Variants in AFF1 observed in about 807,000 individuals in gnomAD.
AFF1 encodes ALF transcription elongation factor 1, also known as AF4/FMR2 family member 1.
In AFF1, 48 loss-of-function variants were observed where a neutral mutation model predicts 121.7. The ratio of observed to expected loss-of-function variants is 0.39; its 90% CI spans 0.31 to 0.50. AFF1 has a LOEUF of 0.50. Ranked by LOEUF, AFF1 falls within the 20% of genes least tolerant of loss-of-function variation. AFF1 has a pLI of 0.76. For synonymous variants in AFF1, 613 were observed against 563.0 expected, an observed-to-expected ratio of 1.09 and a Z score of -1.26; for missense variants, 1,523 against 1,511.7, an observed-to-expected ratio of 1.01 and a Z score of -0.12.
chr4:87,096,765 A>G (rs11946328), intron 8 of AFF1, among the ~76,000 whole-genome samples: 7,756 of 151,176 alleles, frequency 0.051, 677 homozygotes, highest in African/African-American at 0.18. Context: ...TTTAATTTTT[A>G]CATATTTATG....
intron 12 of AFF1, among the ~76,000 whole-genome samples, chr4:87,117,042 G>C (rs1429367967): frequency 1.3e-5 from 2 of 152,146 alleles, no homozygotes; most frequent in Admixed American, 6.5e-5. Flanking sequence ...TGCATTAGCT[G>C]GAGTGGGGAC....
rs1196415288 is a variant in AFF1 at position 87,007,368 on chromosome 4, C to T, written c.39-38798C>T. On this transcript the variant is annotated intron_variant, in intron 2 of 20. Coordinates refer to ENST00000395146, the MANE Select transcript of AFF1 (RefSeq NM_001166693.3). The stretch of plus-strand genomic sequence containing the variant: ...GGCAGCAGGGCCCGCGGGGTGAAGG[C>T]GCTCATGGACGGAAGACCCCTGGCT... 3 of 1,612,952 alleles carry T rather than the reference C, an allele frequency of 1.9e-6. No individual in the cohort carries two copies. The African/African-American group carries it at 4.0e-5, about 22-fold the overall frequency.
At chr4:87,067,352 C>G (rs750122390) in intron 4 of AFF1, among the ~76,000 whole-genome samples, 4 of 152,224 alleles carry the variant, frequency 2.6e-5, no homozygotes, top group African/African-American at 4.8e-5. Context: ...CTATGGATAA[C>G]TTCTACAAAC....
chr4:87,081,748 A>C (rs893415938), intron 4 of AFF1, among the ~76,000 whole-genome samples: 4 of 152,322 alleles, frequency 2.6e-5, no homozygotes, highest in Admixed American at 2.6e-4. Flanking sequence ...CAGGAAGATT[A>C]ACAGTAAATT....
At chr4:86,945,788 G>C (rs1375300061) in intron 1 of AFF1, among the ~76,000 whole-genome samples, 3 of 151,944 alleles carry the variant, frequency 2.0e-5, no homozygotes, top group Non-Finnish European at 4.4e-5. Context: ...CACCATGCTT[G>C]GCCCATGGAG....
At chr4:87,069,900 C>A (rs1260267837) in intron 4 of AFF1, among the ~76,000 whole-genome samples, 1 of 149,938 alleles carries the variant, frequency 6.7e-6, no homozygotes, top group Non-Finnish European at 1.5e-5. Context: ...TCACTGCAAC[C>A]TTTTCCCCCA....
chr4:86,942,628 G>T (rs915810718), intron 1 of AFF1, among the ~76,000 whole-genome samples: 19 of 152,156 alleles, frequency 1.2e-4, no homozygotes, highest in African/African-American at 4.1e-4. Context: ...TGATTTACCT[G>T]CTTCCTTTAA....
At chr4:87,110,365 T>A (rs1276920968) in intron 11 of AFF1, among the ~76,000 whole-genome samples, 1 of 152,180 alleles carries the variant, frequency 6.6e-6, no homozygotes, top group African/African-American at 2.4e-5. Context: ...TTTTCAGTTA[T>A]TTTAAAATGT....
At chr4:87,090,962 C>T (rs1042745703) in intron 6 of AFF1, among the ~76,000 whole-genome samples, 17 of 132,184 alleles carry the variant, frequency 1.3e-4, no homozygotes, top group African/African-American at 4.9e-4. Flanking sequence ...CTGCAGTGAG[C>T]TGTAATTAAG....
chr4:87,112,599 A>G (rs1726650829), intron 11 of AFF1, among the ~76,000 whole-genome samples: 1 of 152,230 alleles, frequency 6.6e-6, no homozygotes, highest in Non-Finnish European at 1.5e-5. Flanking sequence ...TTTATGTCAT[A>G]GCCACATATT....
intron 2 of AFF1, among the ~76,000 whole-genome samples, chr4:87,026,284 A>G (rs1044693115): frequency 1.1e-4 from 17 of 152,216 alleles, no homozygotes; most frequent in African/African-American, 4.1e-4. Flanking sequence ...TTTAGTAGAG[A>G]TGGGGTTTTG....
At position 87,139,709 on chromosome 4, in the gene AFF1, T is replaced by A. The variant is rs1343684852; in HGVS notation, c.*4008T>A. On this transcript the variant is annotated 3_prime_UTR_variant, in exon 21 of 21. Transcript: ENST00000395146. The stretch of plus-strand genomic sequence containing the variant: ...TGTAAGGTATTTTCCTGTGCCTTTA[T>A]TTTGTGTCATTCTATTGGAAGGAGG... 1 of 227,932 alleles carries A rather than the reference T, an allele frequency of 4.4e-6. No individual in the cohort carries two copies. The highest frequency in any genetic ancestry group is 8.7e-6 in the Non-Finnish European group (1 of 114,770). The allele number at this position is 227,932 out of a possible 1,614,324, so 14.1% of individuals were successfully genotyped here.
Position 87,114,765 on chromosome 4 carries a change from G to A in AFF1, c.1932G>A (p.Gln644=), listed in dbSNP as rs778781563. The A allele has an allele frequency of 8.1e-6, 13 of 1,613,266 alleles. No individual in the cohort carries two copies. Among genetic ancestry groups the A allele is most frequent in the Non-Finnish European group, 1.1e-5 (13 of 1,179,752 alleles). The change falls in exon 12 of 21, where the codon CAG becomes CAA. Residue 644 remains glutamine, a synonymous_variant. Transcript: ENST00000395146. ...TTCTTCCCTATGGCTCCCGAGACCA[G>A]ACTTCCAAAGACAAGCCCAAGGTGA... ...PGLLPYGSRD[Q]TSKDKPKVKT...
In AFF1 at chr4:86,984,210, G is replaced by A. The variant is rs965993438; in HGVS notation, c.38+35639G>A. On this transcript the variant is annotated intron_variant, in intron 2 of 20. Coordinates refer to ENST00000395146, the MANE Select transcript of AFF1 (RefSeq NM_001166693.3). ...GACAATCGTAATTTTTCCTGTTGAT[G>A]ATTAAGGTTGTTTGGCACAGTTTCG... Among the ~76,000 whole-genome samples the A allele has an allele frequency of 3.3e-5, 5 of 151,992 alleles. No homozygotes were observed. The South Asian group carries it at 6.2e-4, about 19-fold the overall frequency.
rs566591066 is a variant in AFF1, at chr4:87,138,963, C to T, written c.*3262C>T. On this transcript the variant is annotated 3_prime_UTR_variant, in exon 21 of 21. Coordinates refer to ENST00000395146, the MANE Select transcript of AFF1 (RefSeq NM_001166693.3). Reference sequence around the variant, plus strand: ...TTTAGAAAGCTAAAACCCCCTACCCCTTTCTGGCTGAAAACTTGCCTTATT... The same window carrying T: ...TTTAGAAAGCTAAAACCCCCTACCCTTTTCTGGCTGAAAACTTGCCTTATT... 21 of 226,172 alleles carry T rather than the reference C, an allele frequency of 9.3e-5. No homozygotes were observed. Among genetic ancestry groups the T allele is most frequent in the African/African-American group, 4.2e-4 (19 of 45,068 alleles). 14.0% of individuals were successfully genotyped at this position (226,172 alleles called of 1,614,324 possible).
intron 5 of AFF1, among the ~76,000 whole-genome samples, chr4:87,086,610 G>A (rs1357749451): frequency 6.6e-6 from 1 of 152,182 alleles, no homozygotes; most frequent in African/African-American, 2.4e-5. Flanking sequence ...CTTCTCTTCT[G>A]TCTGTGACCT....
intron 1 of AFF1, among the ~76,000 whole-genome samples, chr4:86,942,286 G>A (rs1431940262): frequency 6.6e-6 from 1 of 152,212 alleles, no homozygotes; most frequent in East Asian, 1.9e-4. Flanking sequence ...GAATGAGGTA[G>A]AGACATTTTC....
chr4:86,947,911 A>C (rs991493770), intron 1 of AFF1, among the ~76,000 whole-genome samples: 4 of 151,838 alleles, frequency 2.6e-5, no homozygotes, highest in Admixed American at 2.6e-4. Context: ...TAAGTGTTGC[A>C]TTCTTATGTG....
chr4:86,959,535 G>T (rs1721998597), intron 2 of AFF1, among the ~76,000 whole-genome samples: 1 of 151,254 alleles, frequency 6.6e-6, no homozygotes, highest in African/African-American at 2.4e-5. Context: ...GTAGAGATGG[G>T]GGAAAAAATG....
Sources: gnomAD v4.1 joint callset for allele counts (sites outside exome capture counted in the v4.1 genomes callset) on GRCh38, gnomAD v4.1.1 for gene constraint, MANE v1.5 for transcripts, NCBI Gene and HGNC (gene_info 2026-07-23, HGNC 2026-07-21) for gene names.